OR10D3: variants seen among roughly 807,000 people sequenced by gnomAD.
OR10D3 encodes olfactory receptor family 10 subfamily D member 3, also known as olfactory receptor 10D3.
For missense variants in OR10D3, 286 were observed against 153.7 expected (o/e 1.86, Z -4.55); for synonymous variants, 100 against 57.6 (o/e 1.74, Z -3.33).
At chr11:124,185,261 C>T (rs1365211827) in exon 2 of OR10D3, 1 of 699,692 alleles carries the variant, frequency 1.4e-6, no homozygotes, top group Non-Finnish European at 2.6e-6. Context: ...CTTCCTAGGA[C>T]TGGCTTCCAT....
At chr11:124,186,342 T>C (rs1294521368) in exon 2 of OR10D3, 1 of 586,592 alleles carries the variant, frequency 1.7e-6, no homozygotes, top group Non-Finnish European at 3.0e-6. Context: ...ACCATTATGC[T>C]ATATATAATA....
exon 2 of OR10D3, chr11:124,185,604 G>T: frequency 1.4e-6 from 1 of 703,586 alleles, no homozygotes; most frequent in Non-Finnish European, 2.6e-6. Flanking sequence ...AGCATTGAGT[G>T]CTTCTTGTTT....
At chr11:124,185,507 A>G (rs1290577069) in exon 2 of OR10D3, 2 of 703,330 alleles carry the variant, frequency 2.8e-6, no homozygotes, top group East Asian at 5.4e-5. Flanking sequence ...GACTTGTCCC[A>G]AAATGCTGCT....
chr11:124,187,837 T>C (rs1200181291), exon 2 of OR10D3: 1 of 152,250 alleles, frequency 6.6e-6, no homozygotes, highest in Non-Finnish European at 1.5e-5. Flanking sequence ...ATAAATGCTG[T>C]GTAAAACTAT....
chr11:124,186,411 C>A, exon 2 of OR10D3: 1 of 428,694 alleles, frequency 2.3e-6, no homozygotes, highest in Non-Finnish European at 4.1e-6. Context: ...CACCTATCTT[C>A]AAAGTCATAT....
At chr11:124,187,971 T>TA (rs1350021364) in exon 2 of OR10D3, 3 of 152,166 alleles carry the variant, frequency 2.0e-5, no homozygotes, top group Non-Finnish European at 2.9e-5. Flanking sequence ...CCAAAATGCT[T>TA]AAAAATCTTT....
chr11:124,183,505 T>C (rs1396177636), intron 1 of OR10D3, 122 bp downstream of exon 1: 1 of 149,906 alleles, frequency 6.7e-6, no homozygotes, highest in African/African-American at 2.5e-5. Context: ...TTTTTCTTTC[T>C]TTCCCCTTCC....
intron 1 of OR10D3, 72 bp downstream of exon 1, chr11:124,183,455 T>G (rs542950654): frequency 2.0e-5 from 3 of 151,244 alleles, no homozygotes; most frequent in South Asian, 4.2e-4. Flanking sequence ...TCTCTCTTTC[T>G]CTCTCTTTCT....
chr11:124,186,010 C>G (rs1398624599), exon 2 of OR10D3: 1 of 703,458 alleles, frequency 1.4e-6, no homozygotes, highest in Non-Finnish European at 2.6e-6. Context: ...ACCTCATTGC[C>G]ATCCTCTGTG....
At chr11:124,188,694 C>G (rs1009937764) in exon 2 of OR10D3, 2 of 152,204 alleles carry the variant, frequency 1.3e-5, no homozygotes, top group South Asian at 2.1e-4. Flanking sequence ...CAGAGCCCCT[C>G]CCTGGCCCCA....
exon 2 of OR10D3, chr11:124,187,187 TTTTC>T (rs1227381852): frequency 6.6e-6 from 1 of 152,226 alleles, no homozygotes; most frequent in African/African-American, 2.4e-5. Context: ...TGTTTCTGCC[TTTTC>T]TTTAACACCT....
exon 2 of OR10D3, chr11:124,187,094 T>G (rs1323601185): frequency 6.6e-6 from 1 of 152,176 alleles, no homozygotes; most frequent in Non-Finnish European, 1.5e-5. Flanking sequence ...TTTGAAAGCT[T>G]CTGGACTTTT....
At chr11:124,187,873 T>C (rs1401184565) in exon 2 of OR10D3, 1 of 152,190 alleles carries the variant, frequency 6.6e-6, no homozygotes, top group African/African-American at 2.4e-5. Context: ...AAACAATCTT[T>C]GATATTTGTG....
rs1334579940 is a variant in OR10D3, at chr11:124,185,338, G to A, written c.69G>A (p.Leu23=). ...TGGGAATCCCACACACAGAGGGGCT[G>A]GAGATGACACTTTTTGTCTTATTCT... The change falls in exon 2 of 2, where the codon CTG becomes CTA. Residue 23 remains leucine (L), a synonymous_variant. Coordinates refer to ENST00000641351, the Ensembl canonical transcript of OR10D3. 7 of 703,204 alleles carry A rather than the reference G, an allele frequency of 1.0e-5. No individual in the cohort carries two copies. In the African/African-American group the frequency reaches 1.0e-4, roughly 11 times the overall value. 43.6% of individuals were successfully genotyped at this position (703,204 alleles called of 1,614,324 possible). A position where few individuals can be genotyped will look rare whatever the true frequency, so the allele number is the denominator to read the frequency against.
chr11:124,188,751 G>A (rs1013152501), exon 2 of OR10D3: 2 of 152,080 alleles, frequency 1.3e-5, no homozygotes, highest in Non-Finnish European at 2.9e-5. Context: ...TGGTAATAAT[G>A]GGACTGCATT....
At chr11:124,186,724 G>C (rs939204892) in exon 2 of OR10D3, 2 of 152,712 alleles carry the variant, frequency 1.3e-5, no homozygotes, top group African/African-American at 4.8e-5. Flanking sequence ...GAATTTGTCA[G>C]CAAGGATGTT....
intron 1 of OR10D3, among the ~76,000 whole-genome samples, chr11:124,183,949 A>G (rs1249135222): frequency 6.6e-6 from 1 of 152,170 alleles, no homozygotes; most frequent in Non-Finnish European, 1.5e-5. Context: ...ATTTTATATT[A>G]TTAAAGTAAC....
At chr11:124,183,353 A>G (rs578057375) in exon 1 of OR10D3, 2 of 152,298 alleles carry the variant, frequency 1.3e-5, no homozygotes, top group East Asian at 3.9e-4. Flanking sequence ...TCCTATACAA[A>G]CAGATGATTA....
At chr11:124,186,365 G>A in exon 2 of OR10D3, 1 of 505,770 alleles carries the variant, frequency 2.0e-6, no homozygotes, top group South Asian at 3.8e-5. Flanking sequence ...TTATCTTTTT[G>A]CAATATTTTA....
Sources: gnomAD v4.1 joint callset for allele counts (sites outside exome capture counted in the v4.1 genomes callset) on GRCh38, gnomAD v4.1.1 for gene constraint, MANE v1.5 for transcripts, NCBI Gene and HGNC (gene_info 2026-07-23, HGNC 2026-07-21) for gene names.